Variants in SARNP observed in about 807,000 individuals in gnomAD.
The protein encoded by SARNP is SAP domain containing ribonucleoprotein, also known as SAP domain-containing ribonucleoprotein.
SARNP carries 5 observed loss-of-function variants against 38.1 expected under a neutral mutation model. The observed-to-expected ratio is 0.13, with a 90% confidence interval of 0.07 to 0.28. The LOEUF is 0.28. Ranked by LOEUF, SARNP falls within the 10% of genes least tolerant of loss-of-function variation. SARNP has a pLI of 1.00. For synonymous variants in SARNP, 84 were observed against 80.6 expected (o/e 1.04, Z -0.23); for missense variants, 180 against 243.9 (o/e 0.74, Z 1.75).
chr12:55,794,753 A>T, intron 6 of SARNP, 54 bp downstream of exon 6: 1 of 1,026,222 alleles, frequency 9.7e-7, no homozygotes, highest in South Asian at 1.3e-5. Context: ...AGGATCACAC[A>T]TCTTCATCTT....
chr12:55,758,018 A>G (rs988467766), intron 10 of SARNP, among the ~76,000 whole-genome samples: 3 of 152,198 alleles, frequency 2.0e-5, no homozygotes, highest in African/African-American at 7.2e-5. Context: ...CCCAGACAGT[A>G]GCTATTCCTT....
At position 55,757,568 on chromosome 12, in the gene SARNP, CAAG is replaced by C; in HGVS notation, c.592-18_592-16del. 6.2e-7 allele frequency: 1 copy of C among 1,600,674 alleles called. No individual in the cohort carries two copies. The highest frequency in any genetic ancestry group is 8.5e-7 in the Non-Finnish European group (1 of 1,174,886). On this transcript the variant is annotated splice_polypyrimidine_tract_variant and intron_variant, in intron 10 of 10. Transcript: ENST00000336133. ...CTCTTCTTTGCCTGTAAAGAAGAAG[CAAG>C]AAGAAAAAAATTAGACTGAAGACAA...
chr12:55,794,415 T>C, intron 6 of SARNP, 28 bp from the exon 7 acceptor site: 1 of 1,603,452 alleles, frequency 6.2e-7, no homozygotes, highest in Non-Finnish European at 8.5e-7. Context: ...AACTAAATTT[T>C]AGGAAGCTGT....
chr12:55,753,243 A>G (rs1293627515), downstream of SARNP: 2 of 152,232 alleles, frequency 1.3e-5, no homozygotes, highest in Non-Finnish European at 2.9e-5. Flanking sequence ...TGATCCAGCT[A>G]GTGTCCTATT....
rs377197812 is a variant in SARNP at position 55,769,971 on chromosome 12, G to T, written c.502-9331C>A. Reference sequence around the variant, plus strand: ...CATAGCCCCCATTGTAAGGAGAGGAGTATCTGTGTTTCTATTAGAAGAGAG... The same window carrying T: ...CATAGCCCCCATTGTAAGGAGAGGATTATCTGTGTTTCTATTAGAAGAGAG... On this transcript the variant is annotated intron_variant, in intron 9 of 10. Coordinates refer to ENST00000336133, the MANE Select transcript of SARNP (RefSeq NM_033082.4). Among the ~76,000 whole-genome samples the T allele has an allele frequency of 5.3e-5, 8 of 152,308 alleles. No individual in the cohort carries two copies. In the South Asian group the frequency reaches 1.7e-3, roughly 32 times the overall value.
intron 6 of SARNP, 147 bp downstream of exon 6, chr12:55,794,658 CAT>C (rs2136197330): frequency 1.5e-6 from 1 of 650,302 alleles, no homozygotes; most frequent in Non-Finnish European, 2.7e-6. Context: ...AATCAGTAGA[CAT>C]GTTCTGAATA....
At position 55,760,905 on chromosome 12, in the gene SARNP, G is replaced by A. The variant is rs923798548; in HGVS notation, c.502-265C>T. The A allele has an allele frequency of 8.6e-5, 30 of 348,062 alleles. No individual in the cohort carries two copies. The East Asian group carries it at 1.3e-3, about 15-fold the overall frequency. The allele number at this position is 348,062 out of a possible 1,614,324, so 21.6% of individuals were successfully genotyped here. On this transcript the variant is annotated intron_variant, in intron 9 of 10. Transcript: ENST00000336133. ...AAAGAAACAGTAAGAGGCCGGGCAC[G>A]GTGACTCACACCTGTAATCCTAGCA...
rs1396222035 is a variant in SARNP at position 55,815,126 on chromosome 12, C to T, written c.36+2540G>A. ...GAAGTGCAGTGGAGCAATTATCACA[C>T]AGCTGACCACAGCCTTGGCCTCCCA... On this transcript the variant is annotated intron_variant, in intron 1 of 10. Transcript: ENST00000336133. Among the ~76,000 whole-genome samples the T allele has an allele frequency of 2.6e-5, 4 of 152,124 alleles. No individual in the cohort carries two copies. In the East Asian group the frequency reaches 7.7e-4, roughly 29 times the overall value.
At chr12:55,780,626 C>T (rs763988375) in intron 9 of SARNP, among the ~76,000 whole-genome samples, 31 of 151,946 alleles carry the variant, frequency 2.0e-4, no homozygotes, top group Non-Finnish European at 4.1e-4. Flanking sequence ...TCCGAGATCA[C>T]GCCATTGCAC....
At chr12:55,786,982 C>T (rs892276134) in intron 9 of SARNP, among the ~76,000 whole-genome samples, 2 of 151,976 alleles carry the variant, frequency 1.3e-5, no homozygotes, top group Non-Finnish European at 2.9e-5. Context: ...TATAGTCCGG[C>T]ACTTTGGGAG....
intron 10 of SARNP, among the ~76,000 whole-genome samples, chr12:55,759,755 T>C (rs1052156573): frequency 6.6e-6 from 1 of 150,884 alleles, no homozygotes; most frequent in Non-Finnish European, 1.5e-5. Flanking sequence ...TTTTCTTTTT[T>C]GAGACAGGGT....
chr12:55,768,535 C>G (rs1401559292), intron 9 of SARNP, among the ~76,000 whole-genome samples: 2 of 152,024 alleles, frequency 1.3e-5, no homozygotes, highest in Non-Finnish European at 2.9e-5. Context: ...TGAGATTCTC[C>G]TGCCTCAGCC....
chr12:55,786,606 C>T (rs146851150), intron 9 of SARNP, among the ~76,000 whole-genome samples: 1 of 152,030 alleles, frequency 6.6e-6, no homozygotes, highest in Non-Finnish European at 1.5e-5. Flanking sequence ...CCTGCCACCG[C>T]GCCTGGCTAA....
intron 9 of SARNP, among the ~76,000 whole-genome samples, chr12:55,774,700 C>T (rs901141604): frequency 1.6e-4 from 24 of 151,130 alleles, no homozygotes; most frequent in Admixed American, 5.9e-4. Flanking sequence ...GTGGGAGGTT[C>T]CAGCTTGGGT....
At chr12:55,785,250 C>T (rs1879456983) in intron 9 of SARNP, among the ~76,000 whole-genome samples, 1 of 152,108 alleles carries the variant, frequency 6.6e-6, no homozygotes, top group South Asian at 2.1e-4. Flanking sequence ...AAGCTCACAG[C>T]CAGAGTTCTG....
chr12:55,785,641 G>A (rs960324578), intron 9 of SARNP, among the ~76,000 whole-genome samples: 3 of 152,006 alleles, frequency 2.0e-5, no homozygotes, highest in African/African-American at 7.2e-5. Context: ...TGGGCATGGT[G>A]GCGCACTCCC....
chr12:55,785,775 C>CA (rs1177241656), intron 9 of SARNP, among the ~76,000 whole-genome samples: 24 of 139,628 alleles, frequency 1.7e-4, no homozygotes, highest in African/African-American at 6.4e-4. Flanking sequence ...AACCCTGTCT[C>CA]AGACAAAAAA....
chr12:55,791,719 GA>G (rs1018396392), intron 7 of SARNP, among the ~76,000 whole-genome samples: 8 of 151,544 alleles, frequency 5.3e-5, no homozygotes, highest in Admixed American at 4.6e-4. Flanking sequence ...GAAAAAAAGA[GA>G]AAAAAAGAAA....
intron 10 of SARNP, among the ~76,000 whole-genome samples, chr12:55,759,337 T>C (rs187375273): frequency 2.6e-5 from 4 of 152,202 alleles, no homozygotes; most frequent in Admixed American, 2.6e-4. Flanking sequence ...GGTTTTATTA[T>C]CTCCACTTCC....
Sources: allele counts gnomAD v4.1 joint callset (sites outside exome capture counted in the v4.1 genomes callset), GRCh38; gene constraint gnomAD v4.1.1; transcripts MANE v1.5; gene names NCBI Gene and HGNC (gene_info 2026-07-23, HGNC 2026-07-21).